The following PDE4D variants were observed in gnomAD, a reference collection of about 807,000 sequenced individuals.
The protein encoded by PDE4D is phosphodiesterase 4D, also known as 3',5'-cyclic-AMP phosphodiesterase 4D.
In PDE4D, 24 loss-of-function variants were observed where a neutral mutation model predicts 87.4. The observed-to-expected ratio is 0.27, with a 90% confidence interval of 0.20 to 0.39. PDE4D has a LOEUF of 0.39. PDE4D is among the 10% of genes least tolerant of loss of function. The pLI, the probability that PDE4D is intolerant of heterozygous loss-of-function variation, is 1.00. For synonymous variants in PDE4D, 384 were observed against 383.2 expected (o/e 1.00, Z -0.02); for missense variants, 714 against 1,041.0 (o/e 0.69, Z 4.32).
At chr5:59,376,285 A>T (rs183270117) in intron 1 of PDE4D, among the ~76,000 whole-genome samples, 1 of 152,302 alleles carries the variant, frequency 6.6e-6, no homozygotes, top group African/African-American at 2.4e-5. Flanking sequence ...CTAGAAAACC[A>T]CATAATCTCA....
chr5:59,540,066 G>C (rs762793927), intron 1 of PDE4D, among the ~76,000 whole-genome samples: 2 of 152,068 alleles, frequency 1.3e-5, no homozygotes, highest in Non-Finnish European at 2.9e-5. Context: ...TGATTCATTA[G>C]GCCTGAGATG....
intron 1 of PDE4D, among the ~76,000 whole-genome samples, chr5:59,822,502 T>C (rs1281683800): frequency 6.6e-6 from 1 of 152,222 alleles, no homozygotes; most frequent in Non-Finnish European, 1.5e-5. Flanking sequence ...ACCAATGTAA[T>C]ATCTTAGCTT....
intron 1 of PDE4D, among the ~76,000 whole-genome samples, chr5:60,485,598 T>C (rs1377826360): frequency 3.3e-5 from 5 of 152,216 alleles, no homozygotes; most frequent in African/African-American, 1.2e-4. Context: ...ATGGCAGATA[T>C]GCATAGTTTT....
At chr5:60,263,940 T>C (rs1201196190) in intron 1 of PDE4D, among the ~76,000 whole-genome samples, 1 of 145,284 alleles carries the variant, frequency 6.9e-6, no homozygotes, top group East Asian at 2.0e-4. Context: ...TGTGAAAAAA[T>C]AATAAACTAA....
intron 1 of PDE4D, among the ~76,000 whole-genome samples, chr5:60,197,164 TGA>T (rs1490853401): frequency 1.3e-5 from 2 of 150,524 alleles, no homozygotes; most frequent in African/African-American, 2.4e-5. Flanking sequence ...GAAGGAAAGG[TGA>T]GAGTGAGGAA....
chr5:60,475,347 G>A (rs1316574699), intron 1 of PDE4D, among the ~76,000 whole-genome samples: 1 of 152,228 alleles, frequency 6.6e-6, no homozygotes, highest in South Asian at 2.1e-4. Flanking sequence ...CCTACAACTG[G>A]AGCTTAGGAT....
intron 1 of PDE4D, among the ~76,000 whole-genome samples, chr5:60,258,186 CCT>C (rs745514524): frequency 1.6e-4 from 24 of 151,888 alleles, no homozygotes; most frequent in Non-Finnish European, 2.9e-4. Flanking sequence ...GTGATTTTAC[CCT>C]GTTTCATACA....
At chr5:60,048,542 C>T (rs1769628237) in intron 2 of PDE4D, among the ~76,000 whole-genome samples, 1 of 152,050 alleles carries the variant, frequency 6.6e-6, no homozygotes, top group South Asian at 2.1e-4. Context: ...CCTTCAGGAG[C>T]TCTTTTAGGG....
At chr5:59,235,264 T>C (rs1756145904) in intron 1 of PDE4D, among the ~76,000 whole-genome samples, 1 of 152,208 alleles carries the variant, frequency 6.6e-6, no homozygotes, top group South Asian at 2.1e-4. Flanking sequence ...GTGCCCCTGA[T>C]GGTCAGATAA....
chr5:60,386,574 C>T (rs1053837818), intron 1 of PDE4D, among the ~76,000 whole-genome samples: 13 of 152,144 alleles, frequency 8.5e-5, no homozygotes, highest in Non-Finnish European at 1.3e-4. Context: ...GGGGGTTCTG[C>T]CAGCTCCAGC....
intron 2 of PDE4D, among the ~76,000 whole-genome samples, chr5:60,083,359 A>G (rs1774180130): frequency 6.6e-6 from 1 of 152,246 alleles, no homozygotes; most frequent in Non-Finnish European, 1.5e-5. Context: ...AGTAGCAAAT[A>G]CAAAGAAAAC....
chr5:59,422,162 G>A (rs1039622444), intron 1 of PDE4D, among the ~76,000 whole-genome samples: 1 of 152,026 alleles, frequency 6.6e-6, no homozygotes, highest in Non-Finnish European at 1.5e-5. Flanking sequence ...GTAACAACAT[G>A]CTCTACTGAG....
At chr5:60,133,560 G>A (rs1236295935) in intron 2 of PDE4D, among the ~76,000 whole-genome samples, 1 of 151,938 alleles carries the variant, frequency 6.6e-6, no homozygotes, top group Non-Finnish European at 1.5e-5. Flanking sequence ...TGAAAAAAAA[G>A]ACACAATGCA....
intron 5 of PDE4D, among the ~76,000 whole-genome samples, chr5:59,053,183 G>A (rs764216091): frequency 3.3e-5 from 5 of 151,942 alleles, no homozygotes; most frequent in Non-Finnish European, 7.4e-5. Flanking sequence ...TAAGATTAGC[G>A]TTTGGAAGCA....
intron 3 of PDE4D, among the ~76,000 whole-genome samples, chr5:59,946,591 A>G (rs1757746423): frequency 6.6e-6 from 1 of 152,214 alleles, no homozygotes; most frequent in Admixed American, 6.5e-5. Context: ...AACTTTATTG[A>G]AAGATTATTC....
In PDE4D at chr5:59,474,929, C is replaced by T. The variant is rs562435668; in HGVS notation, c.456-258961G>A. On this transcript the variant is annotated intron_variant, in intron 1 of 14. Transcript: ENST00000340635. ...GAACAGTGTTGGTTGGGTTTTTTTTCCCCCTAAAAAGGTGTTTACCATTTT... is the reference window on the plus strand; with the variant it reads ...GAACAGTGTTGGTTGGGTTTTTTTTTCCCCTAAAAAGGTGTTTACCATTTT... Among the ~76,000 whole-genome samples the T allele has an allele frequency of 5.8e-3, 875 of 151,542 alleles. 2 individuals are homozygous for T. The highest frequency in any genetic ancestry group is 9.4e-3 in the Non-Finnish European group (638 of 67,846).
At chr5:59,107,456 G>A (rs182349318) in intron 5 of PDE4D, among the ~76,000 whole-genome samples, 1 of 152,250 alleles carries the variant, frequency 6.6e-6, no homozygotes, top group Admixed American at 6.5e-5. Flanking sequence ...TGATCTGCCT[G>A]TCTCAGCCTC....
intron 2 of PDE4D, among the ~76,000 whole-genome samples, chr5:59,196,827 A>G (rs1745555776): frequency 6.6e-6 from 1 of 152,184 alleles, no homozygotes; most frequent in Non-Finnish European, 1.5e-5. Context: ...GTTATTAAAA[A>G]TTCCATAATG....
chr5:59,100,322 C>G (rs951581633), intron 5 of PDE4D, among the ~76,000 whole-genome samples: 1 of 152,160 alleles, frequency 6.6e-6, no homozygotes, highest in Non-Finnish European at 1.5e-5. Flanking sequence ...TAAGTTACTC[C>G]GAAACATTCA....
Sources: allele counts gnomAD v4.1 joint callset (sites outside exome capture counted in the v4.1 genomes callset), GRCh38; gene constraint gnomAD v4.1.1; transcripts MANE v1.5; gene names NCBI Gene and HGNC (gene_info 2026-07-23, HGNC 2026-07-21).